Variants in CEACAM4 observed in about 807,000 individuals in gnomAD.
CEACAM4 encodes the protein CEA cell adhesion molecule 4.
Under a neutral mutation model 28.7 loss-of-function variants are expected in CEACAM4, and 30 were observed. That is an observed-to-expected ratio of 1.05 (90% confidence interval 0.78 to 1.42). The LOEUF (loss-of-function observed/expected upper bound fraction) is 1.42, where lower values mean the gene tolerates loss of function less well. Among genes scored for constraint, CEACAM4 ranks in the 40% most tolerant of loss-of-function variants. The pLI is 0.00. For synonymous variants in CEACAM4, 143 were observed against 126.5 expected (o/e 1.13, Z -0.87); for missense variants, 330 against 308.2 (o/e 1.07, Z -0.53).
chr19:41,619,673 A>C lies in CEACAM4; in HGVS notation c.666T>G (p.Tyr222Ter), dbSNP rs995692068. ...LPSPRTATPI[Y>*]EELLYSDANI... ...AACATCCATGGCCCACACTCACCTC[A>C]TAGATGGGAGTGGCTGTTCTGGGGC... The change falls in exon 6 of 7, where the codon TAT becomes TAG. Residue 222 changes from tyrosine to a stop codon, truncating the protein, a stop_gained. Transcript: ENST00000221954. LOFTEE classifies it low-confidence loss of function (END_TRUNC). 20 of 1,595,418 alleles carry C rather than the reference A, an allele frequency of 1.3e-5. No individual in the cohort carries two copies. In the Admixed American group the frequency reaches 3.0e-4, roughly 24 times the overall value.
At chr19:41,622,713 C>T (rs1555802065) in intron 2 of CEACAM4, among the ~76,000 whole-genome samples, 2 of 152,148 alleles carry the variant, frequency 1.3e-5, no homozygotes, top group African/African-American at 4.8e-5. Context: ...AATAAGAATA[C>T]TAGTTGATAG....
At chr19:41,616,565 G>A (rs2070987803), downstream of CEACAM4, among the ~76,000 whole-genome samples, 1 of 151,860 alleles carries the variant, frequency 6.6e-6, no homozygotes, top group African/African-American at 2.4e-5. Flanking sequence ...AGATCTTCAG[G>A]CCCCACTTGT....
At chr19:41,620,755 G>A (rs534801843) in intron 3 of CEACAM4, 128 bp from the exon 4 acceptor site, 20 of 798,708 alleles carry the variant, frequency 2.5e-5, no homozygotes, top group African/African-American at 1.0e-4. Flanking sequence ...CATCAGTTTC[G>A]TGGTAGGAGC....
Position 41,626,957 on chromosome 19 carries a change from G to C in CEACAM4, c.7C>G (p.Pro3Ala), listed in dbSNP as rs140120541. 102 of 1,604,536 alleles carry C rather than the reference G, an allele frequency of 6.4e-5. No homozygotes were observed. The highest frequency in any genetic ancestry group is 3.4e-4 in the African/African-American group (25 of 74,534). ...CCTCCACGGGGAGCGGCTGAGGGGG[G>C]GCCCATGGTCTCTGCTGCCTGCTTG... MG[P>A]PSAAPRGGHR... Residue 3 changes from proline to alanine, a missense_variant, in exon 1 of 7, where the codon CCC becomes GCC. Pro to Ala is a conservative substitution (Grantham distance 27). Coordinates refer to ENST00000221954, the MANE Select transcript of CEACAM4 (RefSeq NM_001817.4).
chr19:41,615,204 T>G (rs1021192351), downstream of CEACAM4, among the ~76,000 whole-genome samples: 1 of 150,852 alleles, frequency 6.6e-6, no homozygotes, highest in Non-Finnish European at 1.5e-5. Flanking sequence ...TGAGGAGGAG[T>G]GGGGCCGCAA....
At chr19:41,619,921 G>C (rs534346388) in intron 5 of CEACAM4, among the ~76,000 whole-genome samples, 1 of 152,228 alleles carries the variant, frequency 6.6e-6, no homozygotes, top group African/African-American at 2.4e-5. Flanking sequence ...GGCCCACCCC[G>C]CACCCTTGTT....
At chr19:41,619,456 T>G in intron 6 of CEACAM4, 61 bp from the exon 7 acceptor site, 1 of 1,600,540 alleles carries the variant, frequency 6.2e-7, no homozygotes, top group South Asian at 1.1e-5. Flanking sequence ...GTCTGGCATC[T>G]CCCAGGCTCT....
At chr19:41,620,089 T>C in intron 5 of CEACAM4, 122 bp downstream of exon 5, 1 of 943,092 alleles carries the variant, frequency 1.1e-6, no homozygotes, top group Non-Finnish European at 1.5e-6. Context: ...GGCACTCACT[T>C]TGACCTGACT....
chr19:41,619,500 G>A, intron 6 of CEACAM4, 105 bp from the exon 7 acceptor site: 5 of 1,573,492 alleles, frequency 3.2e-6, no homozygotes, highest in Middle Eastern at 3.4e-4. Flanking sequence ...GGCTGAACCT[G>A]GCTGTGCTCA....
intron 5 of CEACAM4, 66 bp from the exon 6 acceptor site, chr19:41,619,777 G>C (rs958330527): frequency 7.4e-7 from 1 of 1,357,882 alleles, no homozygotes; most frequent in Middle Eastern, 1.9e-4. Context: ...CAGCCTGGAA[G>C]GTTCCTGTCT....
At chr19:41,626,617 A>G (rs1340392918) in intron 1 of CEACAM4, among the ~76,000 whole-genome samples, 2 of 152,176 alleles carry the variant, frequency 1.3e-5, no homozygotes, top group African/African-American at 4.8e-5. Context: ...TATAGTTATT[A>G]TCATTTTTCA....
chr19:41,624,430 T>A (rs1555802998), intron 2 of CEACAM4, among the ~76,000 whole-genome samples: 1 of 152,154 alleles, frequency 6.6e-6, no homozygotes, highest in Non-Finnish European at 1.5e-5. Flanking sequence ...ATGCGGGGTG[T>A]GGACCTGAGC....
chr19:41,620,540 A>G (rs200127678), intron 4 of CEACAM4, 35 bp downstream of exon 4: 2 of 1,593,844 alleles, frequency 1.3e-6, no homozygotes, highest in Admixed American at 3.5e-5. Flanking sequence ...GGGCAGGCCT[A>G]GGGGCTCCCA....
intron 6 of CEACAM4, 33 bp from the exon 7 acceptor site, chr19:41,619,428 T>A: frequency 6.2e-7 from 1 of 1,608,900 alleles, no homozygotes; most frequent in Non-Finnish European, 8.5e-7. Flanking sequence ...TCAACCCCTG[T>A]AGCCTTCTCA....
intron 3 of CEACAM4, 102 bp from the exon 4 acceptor site, chr19:41,620,729 GA>G: frequency 2.1e-6 from 2 of 945,730 alleles, no homozygotes; most frequent in Non-Finnish European, 1.7e-6. Flanking sequence ...GGACTGGAGT[GA>G]AGGCCTCCTG....
chr19:41,626,613 T>G (rs2071680469), intron 1 of CEACAM4, among the ~76,000 whole-genome samples: 1 of 152,204 alleles, frequency 6.6e-6, no homozygotes, highest in Admixed American at 6.5e-5. Context: ...CTGGTATAGT[T>G]ATTATCATTT....
chr19:41,614,713 G>A (rs2070966375), downstream of CEACAM4, among the ~76,000 whole-genome samples: 1 of 152,146 alleles, frequency 6.6e-6, no homozygotes, highest in African/African-American at 2.4e-5. Flanking sequence ...TTCCACAGGT[G>A]ACACACCTGA....
At chr19:41,624,604 G>A (rs929503) in intron 2 of CEACAM4, among the ~76,000 whole-genome samples, 43,429 of 152,110 alleles carry the variant, frequency 0.29, 6,487 homozygotes, top group Middle Eastern at 0.37. Flanking sequence ...TGGCTGTTCT[G>A]AGGTCCACAG....
rs1461216940 is a variant in CEACAM4 at position 41,622,212 on chromosome 19, G to A, written c.425-444C>T. 2.0e-5 allele frequency among the ~76,000 whole-genome samples: 3 copies of A among 151,944 alleles called. No homozygotes were observed. In the South Asian group the frequency reaches 6.2e-4, roughly 32 times the overall value. On this transcript the variant is annotated intron_variant, in intron 2 of 6. Coordinates refer to ENST00000221954, the MANE Select transcript of CEACAM4 (RefSeq NM_001817.4). The stretch of plus-strand genomic sequence containing the variant: ...CTTGCCTCAGCCTCCCAAGTAGCTG[G>A]GATTACAGGTTTGTGCCACCATGCC...
Sources: allele counts gnomAD v4.1 joint callset (sites outside exome capture counted in the v4.1 genomes callset), GRCh38; gene constraint gnomAD v4.1.1; transcripts MANE v1.5; gene names NCBI Gene and HGNC (gene_info 2026-07-23, HGNC 2026-07-21).